FARP1: variants seen among roughly 807,000 people sequenced by gnomAD.
FARP1 encodes FERM, ARHGEF and pleckstrin domain-containing protein 1.
FARP1 carries 52 observed loss-of-function variants against 128.8 expected under a neutral mutation model. That is an observed-to-expected ratio of 0.40 (90% CI 0.32 to 0.51). The LOEUF (loss-of-function observed/expected upper bound fraction) is 0.51, where lower values mean the gene tolerates loss of function less well. FARP1 is among the 20% of genes least tolerant of loss of function. The pLI, the probability that FARP1 is intolerant of heterozygous loss-of-function variation, is 0.45. For missense variants in FARP1, 1,333 were observed against 1,367.9 expected (o/e 0.97, Z 0.40); for synonymous variants, 580 against 551.8 (o/e 1.05, Z -0.72).
chr13:98,360,701 A>G (rs2139946789), intron 3 of FARP1, among the ~76,000 whole-genome samples: 1 of 152,344 alleles, frequency 6.6e-6, no homozygotes, highest in Middle Eastern at 3.4e-3. Context: ...ACCCTGGCAG[A>G]GGCGCCTGGA....
At chr13:98,417,620 A>G (rs1441782440) in intron 16 of FARP1, among the ~76,000 whole-genome samples, 1 of 152,086 alleles carries the variant, frequency 6.6e-6, no homozygotes, top group East Asian at 1.9e-4. Context: ...TGCAGGGGTA[A>G]GAGATGTGAG....
intron 1 of FARP1, among the ~76,000 whole-genome samples, chr13:98,144,901 T>C (rs1875405399): frequency 6.6e-6 from 1 of 152,168 alleles, no homozygotes; most frequent in Non-Finnish European, 1.5e-5. Context: ...TGGGTTGGTC[T>C]CCAGGATGTG....
intron 17 of FARP1, among the ~76,000 whole-genome samples, chr13:98,424,893 G>GT (rs10700673): frequency 0.097 from 14,222 of 147,348 alleles, 1,039 homozygotes; most frequent in East Asian, 0.31. Flanking sequence ...TGATTTTGGG[G>GT]TTTTTTTTTT....
At position 98,449,338 on chromosome 13, in the gene FARP1, T is replaced by TACTC. The variant is rs1893069928; in HGVS notation, c.*1023_*1026dup. Reference sequence around the variant, plus strand: ...GTCTTCAAAAACATTTCCCTTTTTATACTCATTCCCCCCAGGCATGGGGTA... The same window carrying TACTC: ...GTCTTCAAAAACATTTCCCTTTTTATACTCACTCATTCCCCCCAGGCATGGGGTA... On this transcript the variant is annotated 3_prime_UTR_variant, in exon 27 of 27. Coordinates refer to ENST00000319562, the MANE Select transcript of FARP1 (RefSeq NM_005766.4). The TACTC allele has an allele frequency of 6.6e-6, 1 of 152,208 alleles. No homozygotes were observed. Among genetic ancestry groups the TACTC allele is most frequent in the Non-Finnish European group, 1.5e-5 (1 of 68,046 alleles). 9.4% of individuals were successfully genotyped at this position (152,208 alleles called of 1,614,324 possible). A position where few individuals can be genotyped will look rare whatever the true frequency, so the allele number is the denominator to read the frequency against.
At chr13:98,231,702 G>T (rs1238452401) in intron 2 of FARP1, among the ~76,000 whole-genome samples, 1 of 152,154 alleles carries the variant, frequency 6.6e-6, no homozygotes, top group East Asian at 1.9e-4. Context: ...GCCTCCGAAA[G>T]TGTTGGTGAG....
chr13:98,146,399 T>G (rs1323778545), intron 1 of FARP1, among the ~76,000 whole-genome samples: 1 of 152,214 alleles, frequency 6.6e-6, no homozygotes, highest in Non-Finnish European at 1.5e-5. Context: ...CAACTAATTT[T>G]CTGTTTTTAG....
intron 2 of FARP1, among the ~76,000 whole-genome samples, chr13:98,282,396 A>T (rs542510412): frequency 1.1e-3 from 174 of 152,342 alleles, no homozygotes; most frequent in South Asian, 2.5e-3. Context: ...GAGATAGAGC[A>T]AAGTGAGCTG....
At chr13:98,396,633 A>G (rs912332) in intron 13 of FARP1, 395,470 of 397,868 alleles carry the variant, frequency 0.99, 196,593 homozygotes, top group South Asian at 1. Flanking sequence ...TGTTTGAAAG[A>G]GTCTGCCTGA....
intron 2 of FARP1, among the ~76,000 whole-genome samples, chr13:98,260,466 A>G (rs956060370): frequency 2.0e-5 from 3 of 152,178 alleles, no homozygotes; most frequent in Non-Finnish European, 4.4e-5. Flanking sequence ...GCAGATATCC[A>G]TTCCTCCCTG....
chr13:98,436,423 C>G (rs1892270005), intron 19 of FARP1, among the ~76,000 whole-genome samples: 1 of 152,242 alleles, frequency 6.6e-6, no homozygotes. Context: ...CTCATCAAAT[C>G]TCTCTCTGGG....
At chr13:98,395,846 A>G in intron 13 of FARP1, 2 of 400,936 alleles carry the variant, frequency 5.0e-6, no homozygotes. Flanking sequence ...TCGGCTGGTC[A>G]CAGCCCCCTG....
intron 16 of FARP1, among the ~76,000 whole-genome samples, chr13:98,420,995 A>G (rs7982097): frequency 0.19 from 28,173 of 152,162 alleles, 2,769 homozygotes; most frequent in Middle Eastern, 0.26. Flanking sequence ...GGGACTTGCT[A>G]TGTGAGCTGG....
intron 6 of FARP1, among the ~76,000 whole-genome samples, chr13:98,380,003 C>T (rs1387142534): frequency 6.6e-6 from 1 of 152,150 alleles, no homozygotes; most frequent in Admixed American, 6.5e-5. Context: ...ATGAAGCTTC[C>T]TTATTGAAAT....
chr13:98,278,991 A>ATTTTT (rs1159451553), intron 2 of FARP1, among the ~76,000 whole-genome samples: 21 of 132,124 alleles, frequency 1.6e-4, no homozygotes, highest in African/African-American at 3.6e-4. Context: ...ACGCCCTGCT[A>ATTTTT]ATTTTTTTTT....
Position 98,448,809 on chromosome 13 carries a change from T to G in FARP1, c.*492T>G, listed in dbSNP as rs371978287. The G allele has an allele frequency of 7.6e-6, 1 of 131,860 alleles. No individual in the cohort carries two copies. The highest frequency in any genetic ancestry group is 1.7e-5 in the Non-Finnish European group (1 of 57,158). The allele number at this position is 131,860 out of a possible 1,614,324, so 8.2% of individuals were successfully genotyped here. A position where few individuals can be genotyped will look rare whatever the true frequency, so the allele number is the denominator to read the frequency against. Reference sequence around the variant, plus strand: ...TGAGATCATTTTCAGATTTCATTTTTTTTTTCAGTCTTTCTACTTTTGTAA... The same window carrying G: ...TGAGATCATTTTCAGATTTCATTTTGTTTTTCAGTCTTTCTACTTTTGTAA... On this transcript the variant is annotated 3_prime_UTR_variant, in exon 27 of 27. Coordinates refer to ENST00000319562, the MANE Select transcript of FARP1 (RefSeq NM_005766.4).
chr13:98,170,536 T>G (rs1877582946), intron 1 of FARP1, among the ~76,000 whole-genome samples: 1 of 151,022 alleles, frequency 6.6e-6, no homozygotes, highest in South Asian at 2.1e-4. Context: ...TTTTGTATTT[T>G]TAGTAGAGAT....
At chr13:98,257,641 G>A (rs1186522349) in intron 2 of FARP1, among the ~76,000 whole-genome samples, 2 of 152,164 alleles carry the variant, frequency 1.3e-5, no homozygotes, top group African/African-American at 4.8e-5. Context: ...ATGGTGGCAT[G>A]TGCCTGTAAT....
At chr13:98,333,413 A>G (rs1887595873) in intron 2 of FARP1, among the ~76,000 whole-genome samples, 1 of 147,702 alleles carries the variant, frequency 6.8e-6, no homozygotes, top group Non-Finnish European at 1.5e-5. Context: ...GTTTGCAAGA[A>G]AGCAGTAGAA....
At chr13:98,338,482 TC>T (rs1243531480) in intron 2 of FARP1, 1 of 152,268 alleles carries the variant, frequency 6.6e-6, no homozygotes, top group Non-Finnish European at 1.5e-5. Context: ...TGTAGCATGT[TC>T]CTGAATCTCC....
Sources: gnomAD v4.1 joint callset for allele counts (sites outside exome capture counted in the v4.1 genomes callset) on GRCh38, gnomAD v4.1.1 for gene constraint, MANE v1.5 for transcripts, NCBI Gene and HGNC (gene_info 2026-07-23, HGNC 2026-07-21) for gene names.